FAIM: variants seen among roughly 807,000 people sequenced by gnomAD.
The protein encoded by FAIM is fas apoptotic inhibitory molecule 1.
Under a neutral mutation model 21.2 loss-of-function variants are expected in FAIM, and 14 were observed. That is an observed-to-expected ratio of 0.66 (90% confidence interval 0.44 to 1.03). The LOEUF is 1.03. Among genes scored for constraint, FAIM ranks in the 50% least tolerant of loss-of-function variants. The pLI, the probability that FAIM is intolerant of heterozygous loss-of-function variation, is 0.00. For missense variants in FAIM, 222 were observed against 247.1 expected (o/e 0.90, Z 0.68); for synonymous variants, 86 against 80.4 (o/e 1.07, Z -0.37).
chr3:138,616,339 ATACT>A (rs1423833862), intron 1 of FAIM, among the ~76,000 whole-genome samples: 11 of 152,220 alleles, frequency 7.2e-5, no homozygotes, highest in African/African-American at 2.7e-4. Flanking sequence ...TAAGCTGAAT[ATACT>A]TTTAATGTTC....
rs771810466 is a variant in FAIM at position 138,621,497 on chromosome 3, T to C, written c.135T>C (p.His45=). ...SDGVHKIEFE[H]GTTSGKRVVY... ...GAGTCCACAAGATCGAATTTGAACATGGGACTACATCAGGCAAACGAGTAG... is the reference window on the plus strand; with the variant it reads ...GAGTCCACAAGATCGAATTTGAACACGGGACTACATCAGGCAAACGAGTAG... The change falls in exon 3 of 6, where the codon CAT becomes CAC. Residue 45 remains histidine, a synonymous_variant. Coordinates refer to ENST00000360570, the MANE Select transcript of FAIM (RefSeq NM_001033031.2). 1.3e-5 allele frequency: 21 copies of C among 1,613,832 alleles called. No individual in the cohort carries two copies. Among genetic ancestry groups the C allele is most frequent in the Non-Finnish European group, 1.8e-5 (21 of 1,179,912 alleles).
intron 5 of FAIM, chr3:138,630,030 T>G (rs1243375357): frequency 6.6e-6 from 1 of 152,126 alleles, no homozygotes; most frequent in Non-Finnish European, 1.5e-5. Flanking sequence ...TCCCCATGTC[T>G]TATGGGGTCT....
At chr3:138,629,416 A>ATAGCAAGTAATATACC in intron 5 of FAIM, 1 of 288,650 alleles carries the variant, frequency 3.5e-6, no homozygotes, top group African/African-American at 2.3e-5. Flanking sequence ...AGGCTCCAGC[A>ATAGCAAGTAATATACC]TAGCAAGTAA....
At chr3:138,629,008 C>A in intron 4 of FAIM, 99 bp from the exon 5 acceptor site, 1 of 819,428 alleles carries the variant, frequency 1.2e-6, no homozygotes, top group Non-Finnish European at 1.9e-6. Context: ...TTTTAGAGAT[C>A]TGGTATATCA....
chr3:138,628,517 C>T lies in FAIM; in HGVS notation c.407-590C>T, dbSNP rs571788559. The stretch of plus-strand genomic sequence containing the variant: ...TATTTATTTTTGAGATGGAGTCTTT[C>T]TCTGTTGCCCAGGCTAGAGTGCAGT... On this transcript the variant is annotated intron_variant, in intron 4 of 5. Transcript: ENST00000360570. Among the ~76,000 whole-genome samples the T allele has an allele frequency of 4.0e-5, 6 of 151,458 alleles. No individual in the cohort carries two copies. The East Asian group carries it at 9.7e-4, about 24-fold the overall frequency.
chr3:138,619,677 C>CT, intron 1 of FAIM, 34 bp from the exon 2 acceptor site: 1 of 1,602,972 alleles, frequency 6.2e-7, no homozygotes, highest in Non-Finnish European at 8.5e-7. Context: ...TGCAATTCTG[C>CT]TTTTTTCTTT....
intron 1 of FAIM, among the ~76,000 whole-genome samples, chr3:138,611,976 T>C (rs1400355488): frequency 6.6e-6 from 1 of 152,214 alleles, no homozygotes; most frequent in Non-Finnish European, 1.5e-5. Flanking sequence ...AGACTGAGAC[T>C]TCTCATTGTT....
intron 4 of FAIM, among the ~76,000 whole-genome samples, chr3:138,628,541 G>C: frequency 6.6e-6 from 1 of 151,726 alleles, no homozygotes. Flanking sequence ...CTAGAGTGCA[G>C]TGGTGCGGTC....
intron 4 of FAIM, among the ~76,000 whole-genome samples, chr3:138,628,785 T>TA (rs2042969898): frequency 6.6e-6 from 1 of 152,162 alleles, no homozygotes; most frequent in Non-Finnish European, 1.5e-5. Flanking sequence ...GCCCGGCCTG[T>TA]ATGCATCCTT....
chr3:138,611,478 ACTAT>A (rs1279971504), intron 1 of FAIM, among the ~76,000 whole-genome samples: 6 of 152,280 alleles, frequency 3.9e-5, no homozygotes, highest in South Asian at 2.1e-4. Context: ...GATCATTGTC[ACTAT>A]CTATTTGCCA....
chr3:138,609,552 C>CG, intron 1 of FAIM, among the ~76,000 whole-genome samples: 1 of 72,468 alleles, frequency 1.4e-5, no homozygotes, highest in Non-Finnish European at 2.8e-5. Flanking sequence ...CTCTCTCTCT[C>CG]TCTCTCTCTC....
At position 138,632,819 on chromosome 3, in the gene FAIM, TTAAC is replaced by T. The variant is rs370972121; in HGVS notation, c.457-107_457-104del. 557 of 1,060,116 alleles carry T rather than the reference TTAAC, an allele frequency of 5.3e-4. 5 individuals carry two copies. The East Asian group carries it at 0.013, about 25-fold the overall frequency. 65.7% of individuals were successfully genotyped at this position (1,060,116 alleles called of 1,614,324 possible). On this transcript the variant is annotated intron_variant, in intron 5 of 5. Transcript: ENST00000360570. ...GACTTTGTTTTTCAAAGCTTATTGT[TTAAC>T]TAATACATTATTTTATTGCACTACT... is the stretch of plus-strand genomic sequence containing the variant.
chr3:138,632,971 C>T lies in FAIM; in HGVS notation c.498C>T (p.Ile166=), dbSNP rs138002065. Residue 166 remains isoleucine (I), a synonymous_variant, in exon 6 of 6, where the codon ATC becomes ATT. Coordinates refer to ENST00000360570, the MANE Select transcript of FAIM (RefSeq NM_001033031.2). The part of the protein sequence containing the change: ...VDDGTETHFS[I]GNHDCYIKAV... ...ATGGGACTGAAACTCACTTCAGTAT[C>T]GGGAACCATGACTGTTACATAAAGG... The T allele has an allele frequency of 2.0e-5, 32 of 1,613,474 alleles. No homozygotes were observed. Among genetic ancestry groups the T allele is most frequent in the African/African-American group, 1.3e-4 (10 of 74,860 alleles).
chr3:138,627,401 T>G (rs1378361901), intron 4 of FAIM, among the ~76,000 whole-genome samples: 1 of 152,138 alleles, frequency 6.6e-6, no homozygotes, highest in East Asian at 1.9e-4. Flanking sequence ...CAGACTGGTC[T>G]TGAACTCCTG....
At chr3:138,609,629 C>CTG (rs2042746004) in intron 1 of FAIM, among the ~76,000 whole-genome samples, 1 of 143,908 alleles carries the variant, frequency 6.9e-6, no homozygotes, top group African/African-American at 2.6e-5. Context: ...CTCTCTCTCT[C>CTG]TCTCTCTCTC....
At chr3:138,629,338 T>C in intron 5 of FAIM, 182 bp downstream of exon 5, 1 of 501,122 alleles carries the variant, frequency 2.0e-6, no homozygotes, top group Non-Finnish European at 3.5e-6. Context: ...CCTGGTACCG[T>C]GAGTTTGGAA....
At chr3:138,624,508 CAG>C (rs1560498226) in intron 4 of FAIM, among the ~76,000 whole-genome samples, 1 of 152,186 alleles carries the variant, frequency 6.6e-6, no homozygotes, top group Non-Finnish European at 1.5e-5. Flanking sequence ...GGAAATGAGA[CAG>C]AGTTCAGCCC....
At chr3:138,614,814 A>T (rs2042809255) in intron 1 of FAIM, among the ~76,000 whole-genome samples, 3 of 150,574 alleles carry the variant, frequency 2.0e-5, no homozygotes. Context: ...GGTGGTGTGT[A>T]CCTGTAGTCC....
At chr3:138,617,884 CATATAG>C (rs1232065237) in intron 1 of FAIM, among the ~76,000 whole-genome samples, 1 of 144,550 alleles carries the variant, frequency 6.9e-6, no homozygotes, top group Admixed American at 7.0e-5. Context: ...CTAATTAGAT[CATATAG>C]ATATAGATAC....
Sources: gnomAD v4.1 joint callset for allele counts (sites outside exome capture counted in the v4.1 genomes callset) on GRCh38, gnomAD v4.1.1 for gene constraint, MANE v1.5 for transcripts, NCBI Gene and HGNC (gene_info 2026-07-23, HGNC 2026-07-21) for gene names.